FRK: variants seen among roughly 807,000 people sequenced by gnomAD.
FRK encodes the protein fyn related Src family tyrosine kinase.
A neutral mutation model predicts 56.4 loss-of-function variants in FRK; 51 were observed. That is an observed-to-expected ratio of 0.90 (90% confidence interval 0.72 to 1.14). The LOEUF is 1.14. Ranked by LOEUF, FRK falls within the 50% of genes most tolerant of loss-of-function variation. FRK has a pLI of 0.00. For missense variants in FRK, 570 were observed against 601.4 expected (o/e 0.95, Z 0.55); for synonymous variants, 245 against 217.9 (o/e 1.12, Z -1.10).
chr6:116,070,752 A>G, the FRK span, among the ~76,000 whole-genome samples: 1 of 152,194 alleles, frequency 6.6e-6, no homozygotes, highest in African/African-American at 2.4e-5. Flanking sequence ...ACTTATATAT[A>G]CATGGTCTTT....
chr6:116,010,629 TAAC>T (rs1231261565), intron 1 of FRK, among the ~76,000 whole-genome samples: 2 of 152,194 alleles, frequency 1.3e-5, no homozygotes, highest in African/African-American at 4.8e-5. Flanking sequence ...CAGAGTATAA[TAAC>T]AGTTAAGAGT....
the FRK span, among the ~76,000 whole-genome samples, chr6:116,066,449 GTA>G: frequency 6.8e-6 from 1 of 147,528 alleles, no homozygotes; most frequent in Non-Finnish European, 1.5e-5. Flanking sequence ...GTGTGTGTGT[GTA>G]TGTGTGTGTG....
At chr6:116,063,993 A>C (rs1166215877), upstream of FRK, among the ~76,000 whole-genome samples, 7 of 152,186 alleles carry the variant, frequency 4.6e-5, no homozygotes, top group Non-Finnish European at 1.0e-4. Context: ...GCTGACTCTA[A>C]AAATATCTGA....
At chr6:116,047,323 A>G (rs1205515222) in intron 1 of FRK, among the ~76,000 whole-genome samples, 1 of 151,626 alleles carries the variant, frequency 6.6e-6, no homozygotes, top group African/African-American at 2.4e-5. Context: ...GATAAATCAC[A>G]ACCAGACATC....
chr6:116,099,430 T>G, the FRK span, among the ~76,000 whole-genome samples: 95 of 152,224 alleles, frequency 6.2e-4, no homozygotes, highest in Non-Finnish European at 8.1e-4. Context: ...TATTGCAAGG[T>G]GCAGAGGAGA....
chr6:116,026,362 T>A (rs1562292783), intron 1 of FRK, among the ~76,000 whole-genome samples: 1 of 152,130 alleles, frequency 6.6e-6, no homozygotes, highest in Non-Finnish European at 1.5e-5. Context: ...GTGCAGCAAA[T>A]AATTCTCTAA....
At chr6:116,085,580 G>A in the FRK span, among the ~76,000 whole-genome samples, 1 of 152,206 alleles carries the variant, frequency 6.6e-6, no homozygotes, top group Non-Finnish European at 1.5e-5. Context: ...TACGATGAGT[G>A]AGGTAATTAT....
chr6:116,026,503 G>C (rs1439161930), intron 1 of FRK, among the ~76,000 whole-genome samples: 2 of 135,262 alleles, frequency 1.5e-5, no homozygotes, highest in Non-Finnish European at 3.2e-5. Context: ...AAGGAAGGAA[G>C]GAAGGAAGGA....
intron 1 of FRK, 102 bp from the exon 2 acceptor site, chr6:116,004,100 T>C (rs2114695979): frequency 2.9e-6 from 3 of 1,032,508 alleles, no homozygotes; most frequent in East Asian, 2.5e-5. Flanking sequence ...AAATGTTTGG[T>C]ATTCTTTAGT....
At chr6:115,954,464 G>A (rs1772909517) in intron 5 of FRK, among the ~76,000 whole-genome samples, 3 of 152,170 alleles carry the variant, frequency 2.0e-5, no homozygotes, top group Admixed American at 2.0e-4. Flanking sequence ...TTGAGGAGAG[G>A]TAAAATCCTC....
At chr6:115,984,809 C>T (rs1029632907) in intron 2 of FRK, among the ~76,000 whole-genome samples, 7 of 150,446 alleles carry the variant, frequency 4.7e-5, no homozygotes, top group Non-Finnish European at 2.9e-5. Flanking sequence ...ATCACATGAT[C>T]AGTATCCACT....
intron 2 of FRK, among the ~76,000 whole-genome samples, chr6:115,995,695 G>A (rs1040517349): frequency 2.6e-5 from 4 of 152,112 alleles, no homozygotes; most frequent in Admixed American, 6.6e-5. Context: ...TCATGAACCA[G>A]TGCCCTAGAG....
chr6:115,993,359 G>A (rs1166547614), intron 2 of FRK, among the ~76,000 whole-genome samples: 1 of 151,784 alleles, frequency 6.6e-6, no homozygotes, highest in Non-Finnish European at 1.5e-5. Context: ...ATGCTGTGAA[G>A]AATTCTGAAG....
the FRK span, among the ~76,000 whole-genome samples, chr6:116,066,918 T>C: frequency 6.6e-6 from 1 of 152,204 alleles, no homozygotes; most frequent in Non-Finnish European, 1.5e-5. Context: ...TCTCTTAGCA[T>C]GTCTCATGGG....
At chr6:116,049,892 AG>A (rs1205350519) in intron 1 of FRK, among the ~76,000 whole-genome samples, 4 of 152,194 alleles carry the variant, frequency 2.6e-5, no homozygotes, top group Admixed American at 2.0e-4. Context: ...TTTTAGGAAA[AG>A]GGTCATATGA....
chr6:115,968,819 A>G (rs1773693944), intron 2 of FRK, 80 bp from the exon 3 acceptor site: 4 of 1,147,014 alleles, frequency 3.5e-6, no homozygotes, highest in African/African-American at 3.1e-5. Context: ...GACATTTTCA[A>G]TGCATAAAAT....
chr6:116,064,626 T>C (rs1231810020), upstream of FRK, among the ~76,000 whole-genome samples: 3 of 152,188 alleles, frequency 2.0e-5, no homozygotes, highest in Non-Finnish European at 2.9e-5. Flanking sequence ...TCCCTTCCTT[T>C]CCTCTCTTAT....
the FRK span, among the ~76,000 whole-genome samples, chr6:116,089,523 C>T: frequency 6.6e-6 from 1 of 152,208 alleles, no homozygotes; most frequent in Non-Finnish European, 1.5e-5. Flanking sequence ...GCTGGAAGTC[C>T]AAGATCAAGG....
chr6:115,955,077 T>C (rs1377182027), intron 5 of FRK, among the ~76,000 whole-genome samples: 6 of 152,048 alleles, frequency 3.9e-5, no homozygotes, highest in Admixed American at 3.9e-4. Flanking sequence ...ATTTGGAGAA[T>C]TGTCAGGACA....
Sources: gnomAD v4.1 joint callset for allele counts (sites outside exome capture counted in the v4.1 genomes callset) on GRCh38, gnomAD v4.1.1 for gene constraint, MANE v1.5 for transcripts, NCBI Gene and HGNC (gene_info 2026-07-23, HGNC 2026-07-21) for gene names.